OTOGL: variants seen among roughly 807,000 people sequenced by gnomAD.
OTOGL encodes otogelin like.
OTOGL carries 285 observed loss-of-function variants against 318.5 expected under a neutral mutation model. The observed-to-expected ratio is 0.89, with a 90% CI of 0.81 to 0.99. OTOGL has a LOEUF of 0.99. OTOGL is among the 50% of genes least tolerant of loss of function. The pLI is 0.00. For missense variants in OTOGL, 2,899 were observed against 2,845.6 expected (o/e 1.02, Z -0.43); for synonymous variants, 987 against 936.5 (o/e 1.05, Z -0.99).
At chr12:80,207,943 G>C (rs545649129) in intron 1 of OTOGL, among the ~76,000 whole-genome samples, 1 of 152,182 alleles carries the variant, frequency 6.6e-6, no homozygotes, top group South Asian at 2.1e-4. Flanking sequence ...TTATATGATT[G>C]TCTAATTAGT....
At chr12:80,108,953 T>TATATATAC (rs1555268625) in intron 1 of OTOGL, among the ~76,000 whole-genome samples, 20 of 142,740 alleles carry the variant, frequency 1.4e-4, no homozygotes, top group African/African-American at 4.7e-4. Context: ...TATATATATA[T>TATATATAC]ACACACACAC....
intron 1 of OTOGL, among the ~76,000 whole-genome samples, chr12:80,148,193 G>C (rs937579074): frequency 1.3e-5 from 2 of 151,104 alleles, no homozygotes; most frequent in African/African-American, 4.9e-5. Flanking sequence ...GGCTGGTACC[G>C]GTTGTTCCTG....
intron 3 of OTOGL, 63 bp from the exon 4 acceptor site, chr12:80,211,886 G>C (rs1877282838): frequency 6.1e-6 from 8 of 1,318,832 alleles, no homozygotes; most frequent in Non-Finnish European, 7.3e-6. Flanking sequence ...TCTCTCTTGG[G>C]AAAGGCTTGT....
intron 1 of OTOGL, among the ~76,000 whole-genome samples, chr12:80,173,168 A>G (rs967501829): frequency 1.4e-5 from 2 of 147,240 alleles, no homozygotes; most frequent in African/African-American, 2.6e-5. Context: ...TAAGATTCAT[A>G]TGCCTTTTTT....
chr12:80,115,168 G>C (rs890997303), intron 1 of OTOGL, among the ~76,000 whole-genome samples: 1 of 152,018 alleles, frequency 6.6e-6, no homozygotes, highest in Non-Finnish European at 1.5e-5. Flanking sequence ...CTTTGGAGAA[G>C]AGGCATTCTG....
At chr12:80,159,173 G>A (rs1873326094) in intron 1 of OTOGL, among the ~76,000 whole-genome samples, 2 of 152,118 alleles carry the variant, frequency 1.3e-5, no homozygotes, top group Non-Finnish European at 2.9e-5. Context: ...TGCAACCCTA[G>A]TATGAAACTC....
intron 1 of OTOGL, among the ~76,000 whole-genome samples, chr12:80,170,700 C>T (rs1036754588): frequency 4.6e-5 from 7 of 152,106 alleles, no homozygotes. Context: ...TCCCAAAGCG[C>T]AGGGATTACA....
intron 32 of OTOGL, among the ~76,000 whole-genome samples, chr12:80,317,272 G>C (rs989347537): frequency 6.6e-6 from 1 of 152,134 alleles, no homozygotes; most frequent in Non-Finnish European, 1.5e-5. Flanking sequence ...AGTAGATGGT[G>C]AAATTATACT....
chr12:80,228,493 C>A (rs185583855), intron 7 of OTOGL, among the ~76,000 whole-genome samples: 17 of 151,862 alleles, frequency 1.1e-4, no homozygotes, highest in East Asian at 3.9e-4. Context: ...AAAACAAAAC[C>A]AAACCAAACA....
chr12:80,124,412 C>T (rs566941107), intron 1 of OTOGL, among the ~76,000 whole-genome samples: 1 of 152,252 alleles, frequency 6.6e-6, no homozygotes, highest in East Asian at 1.9e-4. Flanking sequence ...TGTTTTGGTA[C>T]CAGTACCATG....
intron 1 of OTOGL, among the ~76,000 whole-genome samples, chr12:80,126,544 T>G (rs1285510079): frequency 1.3e-5 from 2 of 152,164 alleles, no homozygotes; most frequent in Non-Finnish European, 2.9e-5. Context: ...GTTCTGTAGA[T>G]GTCTATTGGG....
chr12:80,271,938 G>A, intron 24 of OTOGL, 128 bp downstream of exon 24: 1 of 1,050,528 alleles, frequency 9.5e-7, no homozygotes. Flanking sequence ...TTGGTAGCTA[G>A]AAGACTATTG....
intron 2 of OTOGL, among the ~76,000 whole-genome samples, chr12:80,210,377 C>T (rs1877156336): frequency 6.6e-6 from 1 of 152,014 alleles, no homozygotes; most frequent in South Asian, 2.1e-4. Flanking sequence ...GGAGAAATTG[C>T]TTAAGTATAA....
chr12:80,188,502 C>T (rs528986989), intron 1 of OTOGL, among the ~76,000 whole-genome samples: 1 of 150,114 alleles, frequency 6.7e-6, no homozygotes, highest in Admixed American at 6.6e-5. Context: ...CACACCACTG[C>T]ATTCCAGCCT....
intron 11 of OTOGL, among the ~76,000 whole-genome samples, chr12:80,241,136 T>C (rs1440407912): frequency 1.3e-5 from 2 of 152,114 alleles, no homozygotes; most frequent in African/African-American, 4.8e-5. Flanking sequence ...GAGGAAAGGT[T>C]GAGGTAGTAT....
intron 18 of OTOGL, among the ~76,000 whole-genome samples, chr12:80,260,470 G>A (rs11114375): frequency 0.1 from 15,968 of 152,112 alleles, 943 homozygotes; most frequent in Middle Eastern, 0.16. Flanking sequence ...TCCCCGCCAC[G>A]TGTAAACATT....
At position 80,219,842 on chromosome 12, in the gene OTOGL, A is replaced by T. The variant is rs180905972; in HGVS notation, c.264A>T (p.Gly88=). The stretch of plus-strand genomic sequence containing the variant: ...CTTGTCCTTATGAATGCCTTAATGG[A>T]GCTTTCTGTTCTAAGACTGGAACAT... ...KGSCPYECLN[G]AFCSKTGTCD... is the part of the protein sequence containing the mutation. Residue 88 remains glycine, a synonymous_variant, in exon 6 of 59, where the codon GGA becomes GGT. Coordinates refer to ENST00000547103, the MANE Select transcript of OTOGL (RefSeq NM_001378609.3). 38 of 1,589,544 alleles carry T rather than the reference A, an allele frequency of 2.4e-5. No homozygotes were observed. The Middle Eastern group carries it at 5.0e-4, about 21-fold the overall frequency.
intron 39 of OTOGL, 29 bp from the exon 40 acceptor site, chr12:80,336,384 A>T: frequency 6.4e-7 from 1 of 1,560,504 alleles, no homozygotes; most frequent in Non-Finnish European, 8.6e-7. Context: ...TAGTTAATAG[A>T]CTAAATCCAC....
intron 45 of OTOGL, 143 bp from the exon 46 acceptor site, chr12:80,353,182 A>T: frequency 1.8e-6 from 1 of 544,650 alleles, no homozygotes; most frequent in Non-Finnish European, 2.9e-6. Flanking sequence ...ATTTATGGTT[A>T]CAGAGTAAGT....
Sources: gnomAD v4.1 joint callset for allele counts (sites outside exome capture counted in the v4.1 genomes callset) on GRCh38, gnomAD v4.1.1 for gene constraint, MANE v1.5 for transcripts, NCBI Gene and HGNC (gene_info 2026-07-23, HGNC 2026-07-21) for gene names.